Variants in NDUFC2 observed in about 807,000 individuals in gnomAD.
The protein encoded by NDUFC2 is NADH:ubiquinone oxidoreductase subunit C2, also known as NADH dehydrogenase [ubiquinone] 1 subunit C2.
A neutral mutation model predicts 10.1 loss-of-function variants in NDUFC2; 2 were observed. That is an observed-to-expected ratio of 0.20 (90% confidence interval 0.08 to 0.62). NDUFC2 has a LOEUF of 0.62. NDUFC2 is among the 20% of genes least tolerant of loss of function. The pLI, the probability that NDUFC2 is intolerant of heterozygous loss-of-function variation, is 0.87. For synonymous variants in NDUFC2, 61 were observed against 63.6 expected (o/e 0.96, Z 0.20); for missense variants, 156 against 159.6 (o/e 0.98, Z 0.12).
At chr11:78,075,800 G>T (rs973061096) in intron 1 of NDUFC2, among the ~76,000 whole-genome samples, 2 of 152,120 alleles carry the variant, frequency 1.3e-5, no homozygotes, top group African/African-American at 2.4e-5. Context: ...TGTTTCCCAG[G>T]CTGGTCTTGA....
intron 2 of NDUFC2, among the ~76,000 whole-genome samples, chr11:78,071,028 C>T (rs1858979599): frequency 6.6e-6 from 1 of 152,176 alleles, no homozygotes; most frequent in Non-Finnish European, 1.5e-5. Flanking sequence ...GGGTATTATG[C>T]ATTCCCGATA....
At chr11:78,077,559 T>G (rs192337176) in intron 1 of NDUFC2, among the ~76,000 whole-genome samples, 6 of 152,230 alleles carry the variant, frequency 3.9e-5, no homozygotes, top group Admixed American at 3.3e-4. Context: ...GTCTGTTTAT[T>G]TATTTATTTA....
Position 78,079,831 on chromosome 11 carries a change from A to G in NDUFC2, c.-87T>C. On this transcript the variant is annotated 5_prime_UTR_variant, in exon 1 of 3. Transcript: ENST00000281031. ...GACCACTACCCCGGCCTAAGCGGTCAGCTTTCTCCTCCTCCTCTGCGCGCC... is the reference window on the plus strand; with the variant it reads ...GACCACTACCCCGGCCTAAGCGGTCGGCTTTCTCCTCCTCCTCTGCGCGCC... 4.7e-6 allele frequency: 7 copies of G among 1,477,850 alleles called. No individual in the cohort carries two copies. The highest frequency in any genetic ancestry group is 3.5e-4 in the Middle Eastern group (2 of 5,706). The allele number at this position is 1,477,850 out of a possible 1,614,324, so 91.5% of individuals were successfully genotyped here.
intron 1 of NDUFC2, among the ~76,000 whole-genome samples, chr11:78,075,982 G>C (rs1345886288): frequency 6.6e-6 from 1 of 152,150 alleles, no homozygotes. Context: ...AACTGTCTTA[G>C]AAACATCATT....
intron 2 of NDUFC2, among the ~76,000 whole-genome samples, chr11:78,070,861 G>A (rs1858971296): frequency 6.6e-6 from 1 of 152,218 alleles, no homozygotes; most frequent in Non-Finnish European, 1.5e-5. Context: ...AATGAGCCCT[G>A]AAGCTATACA....
intron 1 of NDUFC2, among the ~76,000 whole-genome samples, chr11:78,077,822 T>C (rs1420459328): frequency 6.6e-6 from 1 of 152,220 alleles, no homozygotes; most frequent in Non-Finnish European, 1.5e-5. Context: ...TCTCCCAAAG[T>C]GCTGGGATTA....
chr11:78,077,247 G>A lies in NDUFC2; in HGVS notation c.166+2332C>T, dbSNP rs145607679. Among the ~76,000 whole-genome samples the A allele has an allele frequency of 2.0e-3, 299 of 151,428 alleles. 2 individuals carry two copies. Among genetic ancestry groups the A allele is most frequent in the African/African-American group, 7.1e-3 (291 of 41,188 alleles). ...GTCGAGGCTGCAGTGAGCCATGAGTGCACCACTGCCCTCTAGCCTGGGTGA... is the reference window on the plus strand; with the variant it reads ...GTCGAGGCTGCAGTGAGCCATGAGTACACCACTGCCCTCTAGCCTGGGTGA... On this transcript the variant is annotated intron_variant, in intron 1 of 2. Coordinates refer to ENST00000281031, the MANE Select transcript of NDUFC2 (RefSeq NM_004549.6).
chr11:78,070,620 TG>T (rs1448176736), intron 2 of NDUFC2, among the ~76,000 whole-genome samples: 4 of 152,190 alleles, frequency 2.6e-5, no homozygotes, highest in Non-Finnish European at 5.9e-5. Context: ...TTTCTTTCAT[TG>T]ACTGAAGAAT....
In NDUFC2 at chr11:78,070,405, T is replaced by C. The variant is rs116204995; in HGVS notation, c.311-369A>G. ...ATCTTGGACTTCCCAGCCTCCAGAA[T>C]TGCAAGCAATAAATTTCTATTACTT... On this transcript the variant is annotated intron_variant, in intron 2 of 2. Transcript: ENST00000281031. Among the ~76,000 whole-genome samples, 969 of 152,240 alleles carry C rather than the reference T, an allele frequency of 6.4e-3. 16 individuals are homozygous for C. The highest frequency in any genetic ancestry group is 0.022 in the African/African-American group (925 of 41,546).
rs557908984 is a variant in NDUFC2, at chr11:78,079,845, C to G, written c.-101G>C. The G allele has an allele frequency of 1.5e-5, 21 of 1,446,334 alleles. No homozygotes were observed. The highest frequency in any genetic ancestry group is 6.0e-5 in the Admixed American group (2 of 33,074). 89.6% of individuals were successfully genotyped at this position (1,446,334 alleles called of 1,614,324 possible). A position where few individuals can be genotyped will look rare whatever the true frequency, so the allele number is the denominator to read the frequency against. ...CCTAAGCGGTCAGCTTTCTCCTCCT[C>G]CTCTGCGCGCCGGACTCACGGGCAC... is the stretch of plus-strand genomic sequence containing the variant. On this transcript the variant is annotated 5_prime_UTR_variant, in exon 1 of 3. Transcript: ENST00000281031.
intron 1 of NDUFC2, among the ~76,000 whole-genome samples, chr11:78,075,276 C>A (rs546696345): frequency 5.3e-5 from 8 of 152,214 alleles, no homozygotes; most frequent in African/African-American, 1.4e-4. Context: ...TAAAAAAATT[C>A]TATTTATTGA....
intron 1 of NDUFC2, among the ~76,000 whole-genome samples, chr11:78,079,113 C>CAAAAAAAA: frequency 7.3e-6 from 1 of 137,612 alleles, no homozygotes; most frequent in African/African-American, 2.7e-5. Flanking sequence ...ATTCAGAGGT[C>CAAAAAAAA]AAAAAAAAAA....
Position 78,069,973 on chromosome 11 carries a change from G to T in NDUFC2, c.*14C>A. 1 of 1,612,138 alleles carries T rather than the reference G, an allele frequency of 6.2e-7. No individual in the cohort carries two copies. Among genetic ancestry groups the T allele is most frequent in the Non-Finnish European group, 8.5e-7 (1 of 1,178,912 alleles). ...GCAGGTATCAGTGAAACTGGAGCAAGCATTTTGAAGACTTCAACGTATTGG... is the reference window on the plus strand; with the variant it reads ...GCAGGTATCAGTGAAACTGGAGCAATCATTTTGAAGACTTCAACGTATTGG... On this transcript the variant is annotated 3_prime_UTR_variant, in exon 3 of 3. Coordinates refer to ENST00000281031, the MANE Select transcript of NDUFC2 (RefSeq NM_004549.6).
chr11:78,069,799 C>T lies in NDUFC2; in HGVS notation c.*188G>A. The T allele has an allele frequency of 1.5e-6, 2 of 1,330,870 alleles. No individual in the cohort carries two copies. Among genetic ancestry groups the T allele is most frequent in the South Asian group, 1.3e-5 (1 of 74,442 alleles). The allele number at this position is 1,330,870 out of a possible 1,614,324, so 82.4% of individuals were successfully genotyped here. ...AATCTTTCAGATGGGTGAATGGAAA[C>T]TGACCATTCTCTGATGATGAACTAT... On this transcript the variant is annotated 3_prime_UTR_variant, in exon 3 of 3. Coordinates refer to ENST00000281031, the MANE Select transcript of NDUFC2 (RefSeq NM_004549.6).
rs896312907 is a variant in NDUFC2, at chr11:78,079,604, G to C, written c.141C>G (p.Ile47Met). The C allele has an allele frequency of 6.4e-7, 1 of 1,558,558 alleles. No individual in the cohort carries two copies. The highest frequency in any genetic ancestry group is 1.4e-5 in the African/African-American group (1 of 73,512). The change falls in exon 1 of 3, where the codon ATC (isoleucine) becomes ATG (methionine). Residue 47 changes from isoleucine to methionine, a missense_variant. Coordinates refer to ENST00000281031, the MANE Select transcript of NDUFC2 (RefSeq NM_004549.6). ...CAGCCGTCGCGATCGGCCTCCGCCG[G>C]ATTAGGTTATCAATCAGGCCGGAGC... ...GYCSGLIDNL[I>M]RRRPIATAGL...
rs983472481 is a variant in NDUFC2, at chr11:78,069,180, G to C, written c.*807C>G. ...GCTGGGATTACAGGCATGAGCCACT[G>C]CATCGGGCCAGGACAAGCATTTGAT... On this transcript the variant is annotated 3_prime_UTR_variant, in exon 3 of 3. Coordinates refer to ENST00000281031, the MANE Select transcript of NDUFC2 (RefSeq NM_004549.6). The C allele has an allele frequency of 6.6e-6, 1 of 152,304 alleles. No individual in the cohort carries two copies. The highest frequency in any genetic ancestry group is 2.4e-5 in the African/African-American group (1 of 41,456). 9.4% of individuals were successfully genotyped at this position (152,304 alleles called of 1,614,324 possible).
chr11:78,079,855 C>G lies in NDUFC2; in HGVS notation c.-111G>C. ...CAGCTTTCTCCTCCTCCTCTGCGCG[C>G]CGGACTCACGGGCACGGCGCAGCGC... On this transcript the variant is annotated 5_prime_UTR_variant, in exon 1 of 3. Coordinates refer to ENST00000281031, the MANE Select transcript of NDUFC2 (RefSeq NM_004549.6). The G allele has an allele frequency of 7.0e-7, 1 of 1,431,090 alleles. No homozygotes were observed. The highest frequency in any genetic ancestry group is 9.2e-7 in the Non-Finnish European group (1 of 1,083,726). 88.6% of individuals were successfully genotyped at this position (1,431,090 alleles called of 1,614,324 possible).
At chr11:78,078,406 C>T (rs1590787635) in intron 1 of NDUFC2, among the ~76,000 whole-genome samples, 1 of 152,154 alleles carries the variant, frequency 6.6e-6, no homozygotes, top group Non-Finnish European at 1.5e-5. Flanking sequence ...CCCCCATTAG[C>T]TCCCACTAGC....
intron 1 of NDUFC2, among the ~76,000 whole-genome samples, chr11:78,076,299 G>A (rs544227122): frequency 6.6e-6 from 1 of 152,096 alleles, no homozygotes; most frequent in South Asian, 2.1e-4. Context: ...GTGCCATCAC[G>A]CCTGGCTAAT....
Sources: allele counts gnomAD v4.1 joint callset (sites outside exome capture counted in the v4.1 genomes callset), GRCh38; gene constraint gnomAD v4.1.1; transcripts MANE v1.5; gene names NCBI Gene and HGNC (gene_info 2026-07-23, HGNC 2026-07-21).